COTL1: variants seen among roughly 807,000 people sequenced by gnomAD.
The protein encoded by COTL1 is coactosin like F-actin binding protein 1.
COTL1 carries 15 observed loss-of-function variants against 16.5 expected under a neutral mutation model. That is an observed-to-expected ratio of 0.91 (90% CI 0.61 to 1.40). The LOEUF (loss-of-function observed/expected upper bound fraction) is 1.40. COTL1 is among the 40% of genes most tolerant of loss of function. The probability of loss-of-function intolerance (pLI) is 0.00; values close to 1 mark genes in which losing one functional copy is unlikely to be tolerated. For synonymous variants in COTL1, 112 were observed against 85.3 expected, an observed-to-expected ratio of 1.31 and a Z score of -1.73; for missense variants, 220 against 201.5, an observed-to-expected ratio of 1.09 and a Z score of -0.56.
rs1004142731 is a variant in COTL1 at position 84,617,438 on chromosome 16, G to A, written c.160+63C>T. On this transcript the variant is annotated intron_variant, in intron 2 of 3. Transcript: ENST00000262428. ...TCCTCCCGGGTTCGCTCTGGCCGGG[G>A]CTCCCCGGGTGCAGACAACCTCCCA... The A allele has an allele frequency of 2.8e-5, 41 of 1,470,562 alleles. No homozygotes were observed. In the African/African-American group the frequency reaches 4.9e-4, roughly 18 times the overall value. The allele number at this position is 1,470,562 out of a possible 1,614,324, so 91.1% of individuals were successfully genotyped here.
intron 2 of COTL1, among the ~76,000 whole-genome samples, chr16:84,609,925 A>G (rs1046964183): frequency 6.6e-6 from 1 of 152,170 alleles, no homozygotes; most frequent in Non-Finnish European, 1.5e-5. Flanking sequence ...TTACCCAGTC[A>G]CGGGTATTTC....
At chr16:84,583,279 T>C (rs12325555) in intron 3 of COTL1, among the ~76,000 whole-genome samples, 34,834 of 152,058 alleles carry the variant, frequency 0.23, 4,129 homozygotes, top group Non-Finnish European at 0.28. Flanking sequence ...GAAGGACAAA[T>C]GATTTAATAC....
At chr16:84,598,107 T>G (rs1190662102) in intron 2 of COTL1, among the ~76,000 whole-genome samples, 1 of 152,192 alleles carries the variant, frequency 6.6e-6, no homozygotes, top group East Asian at 1.9e-4. Context: ...GTCGGTGTCA[T>G]GCACTCAGAG....
intron 2 of COTL1, among the ~76,000 whole-genome samples, chr16:84,601,689 C>A (rs186905029): frequency 6.6e-6 from 1 of 152,294 alleles, no homozygotes; most frequent in East Asian, 1.9e-4. Context: ...CTCTTGACCT[C>A]GTGATCCCCC....
chr16:84,608,630 G>A (rs926891062), intron 2 of COTL1, among the ~76,000 whole-genome samples: 1 of 152,242 alleles, frequency 6.6e-6, no homozygotes, highest in Non-Finnish European at 1.5e-5. Flanking sequence ...ACCCAGCCGG[G>A]CGGGGTGGCT....
chr16:84,568,576 G>C (rs1253441773), intron 3 of COTL1: 2 of 152,154 alleles, frequency 1.3e-5, no homozygotes, highest in African/African-American at 4.8e-5. Flanking sequence ...GCTGCCATTG[G>C]TATAAATGTC....
intron 2 of COTL1, among the ~76,000 whole-genome samples, chr16:84,597,790 T>A (rs773624845): frequency 6.6e-6 from 1 of 152,198 alleles, no homozygotes; most frequent in Non-Finnish European, 1.5e-5. Flanking sequence ...AGCAGCTTCC[T>A]GCAGAGTCCG....
intron 3 of COTL1, among the ~76,000 whole-genome samples, chr16:84,580,458 C>A (rs1273862175): frequency 6.6e-6 from 1 of 152,082 alleles, no homozygotes; most frequent in Non-Finnish European, 1.5e-5. Context: ...ACTATATTGC[C>A]CAGGCTGGTC....
chr16:84,576,673 T>G (rs1904460508), intron 3 of COTL1: 2 of 152,144 alleles, frequency 1.3e-5, no homozygotes, highest in Non-Finnish European at 2.9e-5. Context: ...TCCCCACCAG[T>G]CATCCAGGGA....
Position 84,617,556 on chromosome 16 carries a change from G to A in COTL1, c.105C>T (p.Thr35=). Residue 35 remains threonine (T), a synonymous_variant, in exon 2 of 4, where the codon ACC becomes ACT. Transcript: ENST00000262428. ...CCGCTCCCTGCTCGCCGGGGACGAT[G>A]GTGGAGCCGTCATATTTAAAAGTCA... ...IWVTFKYDGS[T]IVPGEQGAEY... 6.4e-7 allele frequency: 1 copy of A among 1,558,466 alleles called. No individual in the cohort carries two copies. The highest frequency in any genetic ancestry group is 8.7e-7 in the Non-Finnish European group (1 of 1,150,476).
At chr16:84,611,525 C>G (rs1207703518) in intron 2 of COTL1, among the ~76,000 whole-genome samples, 1 of 152,198 alleles carries the variant, frequency 6.6e-6, no homozygotes, top group Non-Finnish European at 1.5e-5. Context: ...GACCAGCGGT[C>G]TGTCCTGGGA....
chr16:84,578,894 TGC>T (rs1904513107), intron 3 of COTL1, among the ~76,000 whole-genome samples: 2 of 149,856 alleles, frequency 1.3e-5, no homozygotes, highest in African/African-American at 2.5e-5. Context: ...CACAGACGCA[TGC>T]ACACACAGAC....
chr16:84,611,815 A>G (rs1905333631), intron 2 of COTL1, among the ~76,000 whole-genome samples: 1 of 152,198 alleles, frequency 6.6e-6, no homozygotes, highest in Non-Finnish European at 1.5e-5. Flanking sequence ...TGGTGCAGAA[A>G]CAAAATGTGA....
At chr16:84,602,505 G>A (rs138473522) in intron 2 of COTL1, among the ~76,000 whole-genome samples, 2 of 151,886 alleles carry the variant, frequency 1.3e-5, no homozygotes, top group African/African-American at 2.4e-5. Context: ...AGGCAGGAAC[G>A]AATGGATATG....
chr16:84,602,033 C>G (rs1022132619), intron 2 of COTL1, among the ~76,000 whole-genome samples: 1 of 152,128 alleles, frequency 6.6e-6, no homozygotes, highest in African/African-American at 2.4e-5. Context: ...CTTGCTCAGC[C>G]CTACTCCAGG....
chr16:84,572,688 C>T (rs1041263863), intron 3 of COTL1, among the ~76,000 whole-genome samples: 1 of 152,116 alleles, frequency 6.6e-6, no homozygotes, highest in East Asian at 1.9e-4. Context: ...TCTCCAACTC[C>T]TGGGCTCAAG....
In COTL1 at chr16:84,567,481, G is replaced by A. The variant is rs143591002; in HGVS notation, c.319-526C>T. On this transcript the variant is annotated intron_variant, in intron 3 of 3. Transcript: ENST00000262428. ...AGCTATCAAAGTGATGTCACCATAC[G>A]TGGAGGTGGAAGGAGACAGGCGTAA... 547 of 152,912 alleles carry A rather than the reference G, an allele frequency of 3.6e-3. 2 individuals are homozygous for A. Among genetic ancestry groups the A allele is most frequent in the Non-Finnish European group, 4.3e-3 (291 of 68,468 alleles). The allele number at this position is 152,912 out of a possible 1,614,324, so 9.5% of individuals were successfully genotyped here.
intron 2 of COTL1, among the ~76,000 whole-genome samples, chr16:84,592,841 C>G (rs1265157787): frequency 6.6e-6 from 1 of 152,148 alleles, no homozygotes; most frequent in African/African-American, 2.4e-5. Flanking sequence ...CCATTTGTCC[C>G]CGGGAGCTAA....
Position 84,611,670 on chromosome 16 carries a change from G to A in COTL1, c.160+5831C>T, listed in dbSNP as rs541964868. Among the ~76,000 whole-genome samples, 5 of 152,264 alleles carry A rather than the reference G, an allele frequency of 3.3e-5. No homozygotes were observed. The East Asian group carries it at 7.7e-4, about 23-fold the overall frequency. On this transcript the variant is annotated intron_variant, in intron 2 of 3. Coordinates refer to ENST00000262428, the MANE Select transcript of COTL1 (RefSeq NM_021149.5). ...GAATTAAATGAATAAACAGGAGAAT[G>A]AAGGAATAAACACAGGAAGGAACAA...
Sources: gnomAD v4.1 joint callset for allele counts (sites outside exome capture counted in the v4.1 genomes callset) on GRCh38, gnomAD v4.1.1 for gene constraint, MANE v1.5 for transcripts, NCBI Gene and HGNC (gene_info 2026-07-23, HGNC 2026-07-21) for gene names.